CTPS2: variants seen among roughly 807,000 people sequenced by gnomAD.
CTPS2 encodes the protein CTP synthase II.
A neutral mutation model predicts 46.8 loss-of-function variants in CTPS2; 19 were observed. The ratio of observed to expected loss-of-function variants is 0.41; its 90% CI spans 0.28 to 0.60. The LOEUF is 0.60. Among genes scored for constraint, CTPS2 ranks in the 20% least tolerant of loss-of-function variants. The pLI is 0.35. For missense variants in CTPS2, 286 were observed against 447.6 expected (o/e 0.64, Z 3.26); for synonymous variants, 151 against 165.2 (o/e 0.91, Z 0.66).
At chrX:16,626,388 A>AT (rs755660793) in intron 14 of CTPS2, among the ~76,000 whole-genome samples, 27 of 110,691 alleles carry the variant, frequency 2.4e-4, no homozygotes, top group African/African-American at 8.5e-4. Flanking sequence ...CTCAAAAAAA[A>AT]GAAAGAAAGA....
At chrX:16,603,373 G>A (rs1399517679) in intron 17 of CTPS2, among the ~76,000 whole-genome samples, 2 of 108,926 alleles carry the variant, frequency 1.8e-5, no homozygotes, top group African/African-American at 6.7e-5. Flanking sequence ...CCGAGATCAT[G>A]ACACTGCACT....
intron 14 of CTPS2, among the ~76,000 whole-genome samples, chrX:16,624,938 A>G (rs1205707815): frequency 1.8e-5 from 2 of 112,278 alleles, no homozygotes; most frequent in Non-Finnish European, 3.8e-5. Context: ...TCCAAATTAT[A>G]CCATCTCTTT....
rs745431267 is a variant in CTPS2 at position 16,639,198 on chromosome X, T to G, written c.1342A>C (p.Met448Leu). Reference protein sequence around the residue: ...EHNPGNLGGTMRLGIRRTVFK... With the variant: ...EHNPGNLGGTLRLGIRRTVFK... ...ACAGTTCTTCTTATTCCCAGTCTCA[T>G]TGTTCCTCCCAAATTGCCAGGGTTG... is the stretch of plus-strand genomic sequence containing the variant. Residue 448 changes from methionine to leucine, a missense_variant, in exon 14 of 19, where the codon ATG (methionine) becomes CTG (leucine). By Grantham distance (15) the Met-to-Leu change is conservative. Coordinates refer to ENST00000359276, the MANE Select transcript of CTPS2 (RefSeq NM_175859.3). 9.9e-6 allele frequency: 12 copies of G among 1,208,310 alleles called. No homozygotes were observed. Among genetic ancestry groups the G allele is most frequent in the Non-Finnish European group, 1.3e-5 (12 of 893,746 alleles).
intron 17 of CTPS2, among the ~76,000 whole-genome samples, chrX:16,594,141 G>A (rs955860424): frequency 9.0e-6 from 1 of 111,572 alleles, no homozygotes; most frequent in South Asian, 3.8e-4. Flanking sequence ...ACAGGGTAGG[G>A]TTTAAGCTGT....
intron 14 of CTPS2, among the ~76,000 whole-genome samples, chrX:16,627,818 C>T (rs1177945124): frequency 9.0e-6 from 1 of 111,395 alleles, no homozygotes; most frequent in Middle Eastern, 4.2e-3. Context: ...CCACCAGACA[C>T]CCCCGAAACC....
chrX:16,642,863 T>C (rs1237687925), intron 13 of CTPS2, among the ~76,000 whole-genome samples: 1 of 112,104 alleles, frequency 8.9e-6, no homozygotes, highest in African/African-American at 3.2e-5. Context: ...CACCAACATT[T>C]CCAAAATACT....
At chrX:16,700,412 C>T (rs969255412) in intron 2 of CTPS2, among the ~76,000 whole-genome samples, 17 of 107,664 alleles carry the variant, frequency 1.6e-4, no homozygotes, top group Non-Finnish European at 3.1e-4. Context: ...CCACCGTGCC[C>T]GGCCTATTAT....
At chrX:16,627,666 T>G (rs1931231407) in intron 14 of CTPS2, among the ~76,000 whole-genome samples, 1 of 111,869 alleles carries the variant, frequency 8.9e-6, no homozygotes, top group Admixed American at 9.5e-5. Context: ...CCTGCCTGTC[T>G]GCATGCCCTA....
intron 17 of CTPS2, among the ~76,000 whole-genome samples, 168 bp downstream of exon 17, chrX:16,609,373 G>A (rs767698454): frequency 2.5e-4 from 28 of 112,020 alleles, no homozygotes; most frequent in Non-Finnish European, 4.1e-4. Context: ...CATTACTACC[G>A]TAGGTGTGAT....
In CTPS2 at chrX:16,639,447, T is replaced by A. The variant is rs778316117; in HGVS notation, c.1297-204A>T. On this transcript the variant is annotated intron_variant, in intron 13 of 18. Coordinates refer to ENST00000359276, the MANE Select transcript of CTPS2 (RefSeq NM_175859.3). ...GTACTTCCTTTCCATCTGCTTCTCA[T>A]CTTTCATTTAAATCACTTATAAAAC... is the stretch of plus-strand genomic sequence containing the variant. 9.0e-5 allele frequency among the ~76,000 whole-genome samples: 10 copies of A among 111,396 alleles called. No homozygotes were observed. In the East Asian group the frequency reaches 2.5e-3, roughly 28 times the overall value.
At chrX:16,712,032 G>C (rs1925496231) in intron 1 of CTPS2, 1 of 111,061 alleles carries the variant, frequency 9.0e-6, no homozygotes, top group African/African-American at 3.3e-5. Flanking sequence ...CGCTGGCGCG[G>C]GCGGAGGCGG....
At chrX:16,603,780 C>T (rs1929817786) in intron 17 of CTPS2, among the ~76,000 whole-genome samples, 1 of 110,083 alleles carries the variant, frequency 9.1e-6, no homozygotes, top group Admixed American at 9.8e-5. Context: ...TAACAGAAAA[C>T]AAAACCATCC....
At chrX:16,641,928 G>A (rs1235717433) in intron 13 of CTPS2, among the ~76,000 whole-genome samples, 1 of 111,386 alleles carries the variant, frequency 9.0e-6, no homozygotes, top group African/African-American at 3.3e-5. Flanking sequence ...TCAACAAAGC[G>A]GGAGAAGTCT....
intron 13 of CTPS2, among the ~76,000 whole-genome samples, chrX:16,659,392 T>C (rs1380799104): frequency 9.0e-6 from 1 of 110,722 alleles, no homozygotes; most frequent in Non-Finnish European, 1.9e-5. Flanking sequence ...GAGGGGAGCA[T>C]GCAGGAAAGG....
intron 8 of CTPS2, among the ~76,000 whole-genome samples, chrX:16,685,759 C>T (rs1454535632): frequency 9.8e-6 from 1 of 102,471 alleles, no homozygotes; most frequent in Non-Finnish European, 2.0e-5. Flanking sequence ...CCCAGCTACT[C>T]GGGAGGCTGA....
intron 14 of CTPS2, among the ~76,000 whole-genome samples, chrX:16,624,145 G>T (rs1408152478): frequency 9.0e-6 from 1 of 110,571 alleles, no homozygotes; most frequent in African/African-American, 3.3e-5. Context: ...ACTCAATAAT[G>T]AATTGTTGAA....
intron 14 of CTPS2, among the ~76,000 whole-genome samples, chrX:16,638,302 G>C (rs1203770887): frequency 1.8e-5 from 2 of 109,665 alleles, no homozygotes; most frequent in Non-Finnish European, 3.8e-5. Flanking sequence ...GGATTCTAAG[G>C]GATTCTTATA....
intron 5 of CTPS2, 57 bp from the exon 6 acceptor site, chrX:16,693,281 A>G: frequency 9.3e-7 from 1 of 1,071,080 alleles, no homozygotes; most frequent in Non-Finnish European, 1.3e-6. Flanking sequence ...TGGATGATTA[A>G]TGGTGCCCCA....
At chrX:16,594,476 G>A (rs1037819314) in intron 17 of CTPS2, among the ~76,000 whole-genome samples, 15 of 111,921 alleles carry the variant, frequency 1.3e-4, no homozygotes, top group African/African-American at 4.9e-4. Context: ...AAAAACATAA[G>A]ATGTTGCTAT....
Sources: allele counts gnomAD v4.1 joint callset (sites outside exome capture counted in the v4.1 genomes callset), GRCh38; gene constraint gnomAD v4.1.1; transcripts MANE v1.5; gene names NCBI Gene and HGNC (gene_info 2026-07-23, HGNC 2026-07-21).